Variants in CCDC82 observed in about 807,000 individuals in gnomAD.
CCDC82 encodes the protein coiled-coil domain containing 82.
In CCDC82, 47 loss-of-function variants were observed where a neutral mutation model predicts 60.6. The observed-to-expected ratio is 0.77, with a 90% CI of 0.61 to 0.99. The LOEUF is 0.99. CCDC82 is among the 50% of genes least tolerant of loss of function. The pLI is 0.00. For missense variants in CCDC82, 588 were observed against 633.0 expected, an observed-to-expected ratio of 0.93 and a Z score of 0.76; for synonymous variants, 212 against 207.4, an observed-to-expected ratio of 1.02 and a Z score of -0.19.
intron 7 of CCDC82, among the ~76,000 whole-genome samples, chr11:96,370,734 C>CAT (rs1865217517): frequency 6.6e-6 from 1 of 152,190 alleles, no homozygotes; most frequent in Non-Finnish European, 1.5e-5. Flanking sequence ...TCTGACATAA[C>CAT]AACACCGTGT....
chr11:96,383,279 C>T lies in CCDC82; in HGVS notation c.981G>A (p.Gln327=). ...TAATATTGAACTTACAAAGAGAATT[C>T]TGTTTTACTAATTTCAGTTGTGATG... is the stretch of plus-strand genomic sequence containing the variant. The part of the protein sequence containing the change: ...LTTSQLKLVK[Q]NSLYSFSDHY... The change falls in exon 5 of 10, where the codon CAG becomes CAA. Residue 327 remains glutamine, a synonymous_variant. Transcript: ENST00000646818. 6.5e-7 allele frequency: 1 copy of T among 1,533,876 alleles called. No individual in the cohort carries two copies. Among genetic ancestry groups the T allele is most frequent in the Non-Finnish European group, 9.0e-7 (1 of 1,108,470 alleles).
At position 96,367,928 on chromosome 11, in the gene CCDC82, C is replaced by G. The variant is rs183028658; in HGVS notation, c.1210-2778G>C. 4.1e-3 allele frequency among the ~76,000 whole-genome samples: 605 copies of G among 148,240 alleles called. 4 individuals are homozygous for G. Among genetic ancestry groups the G allele is most frequent in the African/African-American group, 0.012 (470 of 40,280 alleles). On this transcript the variant is annotated intron_variant, in intron 7 of 9. Transcript: ENST00000646818. ...CTCTGCCTCCCAGGTTCAAGCGATTCTCCTGTTTCAGCCTCCCCAGTAGCT... is the reference window on the plus strand; with the variant it reads ...CTCTGCCTCCCAGGTTCAAGCGATTGTCCTGTTTCAGCCTCCCCAGTAGCT...
intron 9 of CCDC82, chr11:96,357,461 AAG>A (rs1260864156): frequency 5.1e-6 from 5 of 984,890 alleles, no homozygotes; most frequent in South Asian, 4.7e-5. Context: ...TTCTTTTCCT[AAG>A]AAAAGAATGC....
intron 6 of CCDC82, among the ~76,000 whole-genome samples, chr11:96,372,683 TAA>T (rs1330812927): frequency 7.2e-6 from 1 of 139,010 alleles, no homozygotes; most frequent in Non-Finnish European, 1.5e-5. Flanking sequence ...TATATAAATA[TAA>T]ATAAATATAT....
chr11:96,376,036 C>T (rs1436438068), intron 5 of CCDC82, among the ~76,000 whole-genome samples: 1 of 152,094 alleles, frequency 6.6e-6, no homozygotes, highest in Non-Finnish European at 1.5e-5. Context: ...TAAGTTTTCC[C>T]CATGACTATT....
In CCDC82 at chr11:96,367,474, G is replaced by C. The variant is rs187296932; in HGVS notation, c.1210-2324C>G. ...AAGAAACCACGTTCTTTGCTTATCC[G>C]TAAGAAGCAACTCCTCATCCATTCA... On this transcript the variant is annotated intron_variant, in intron 7 of 9. Coordinates refer to ENST00000646818, the MANE Select transcript of CCDC82 (RefSeq NM_024725.4). Among the ~76,000 whole-genome samples the C allele has an allele frequency of 5.6e-3, 854 of 152,198 alleles. 3 individuals carry two copies. Among genetic ancestry groups the C allele is most frequent in the Non-Finnish European group, 8.9e-3 (607 of 68,014 alleles).
intron 9 of CCDC82, chr11:96,357,714 T>C: frequency 1.6e-5 from 16 of 985,306 alleles, no homozygotes; most frequent in Non-Finnish European, 1.9e-5. Flanking sequence ...GCAGTTCCAC[T>C]AGAGGGTTGG....
At position 96,384,194 on chromosome 11, in the gene CCDC82, A is replaced by T. The variant is rs1193521812; in HGVS notation, c.554T>A (p.Leu185Gln). The change falls in exon 4 of 10, where the codon CTA (leucine) becomes CAA (glutamine). Residue 185 changes from leucine (L) to glutamine (Q), a missense_variant. Transcript: ENST00000646818. ...ATCACTGTCACACATCACAGAGGAT[A>T]GCCTTTTTCTTTTTCCTCGCTTGAT... ...EDIKRGKRKR[L>Q]SSVMCDSDES... 6.2e-7 allele frequency: 1 copy of T among 1,613,890 alleles called. No homozygotes were observed. Among genetic ancestry groups the T allele is most frequent in the Non-Finnish European group, 8.5e-7 (1 of 1,179,874 alleles).
At chr11:96,386,592 T>C (rs1007902772) in intron 2 of CCDC82, 3 of 152,220 alleles carry the variant, frequency 2.0e-5, no homozygotes, top group Non-Finnish European at 4.4e-5. Context: ...TTTGTAGAGA[T>C]GGAGGTCTCA....
intron 8 of CCDC82, chr11:96,363,611 G>A (rs1444913183): frequency 6.6e-6 from 1 of 152,022 alleles, no homozygotes; most frequent in African/African-American, 2.4e-5. Context: ...GAACTGCTTT[G>A]CAAAAGATAA....
intron 1 of CCDC82, chr11:96,389,052 T>C (rs1866378987): frequency 6.6e-6 from 1 of 152,154 alleles, no homozygotes; most frequent in African/African-American, 2.4e-5. Flanking sequence ...TAAGATCAAG[T>C]TCTTATCACA....
chr11:96,373,771 CTA>C (rs1865417348), intron 5 of CCDC82, among the ~76,000 whole-genome samples: 1 of 152,074 alleles, frequency 6.6e-6, no homozygotes, highest in African/African-American at 2.4e-5. Flanking sequence ...CCTTGCACAC[CTA>C]TATTTAATTA....
Position 96,359,016 on chromosome 11 carries a change from T to C in CCDC82, c.1543A>G (p.Lys515Glu), listed in dbSNP as rs753223173. The C allele has an allele frequency of 6.8e-6, 11 of 1,609,212 alleles. No homozygotes were observed. Among genetic ancestry groups the C allele is most frequent in the African/African-American group, 2.7e-5 (2 of 74,614 alleles). ...ACCTCCTTAATCCAGCCATTTTCTT[T>C]TGACCGCCTGAAAATTCTTTCCACT... is the stretch of plus-strand genomic sequence containing the variant. The part of the protein sequence containing the change: ...ETVERIFRRS[K>E]ENGWIKEKYG... The change falls in exon 9 of 10, where the codon AAA (lysine) becomes GAA (glutamate). Residue 515 changes from lysine (K) to glutamate (E), a missense_variant. Physicochemically the swap from Lys to Glu is moderately conservative, Grantham distance 56. Coordinates refer to ENST00000646818, the MANE Select transcript of CCDC82 (RefSeq NM_024725.4).
At chr11:96,387,476 T>C (rs978326068) in intron 2 of CCDC82, 54 bp downstream of exon 2, 3 of 152,198 alleles carry the variant, frequency 2.0e-5, no homozygotes, top group Admixed American at 6.5e-5. Flanking sequence ...AAGGAAGATA[T>C]CTATTTTTAT....
At position 96,376,643 on chromosome 11, in the gene CCDC82, G is replaced by C. The variant is rs1017409035; in HGVS notation, c.992-3176C>G. ...GGGTTTCTGTGTGTTGGCCAGGCTG[G>C]TCTCGAACTCCTGACCTCAGGTGAT... On this transcript the variant is annotated intron_variant, in intron 5 of 9. Coordinates refer to ENST00000646818, the MANE Select transcript of CCDC82 (RefSeq NM_024725.4). 5.3e-5 allele frequency among the ~76,000 whole-genome samples: 8 copies of C among 152,056 alleles called. No individual in the cohort carries two copies. The East Asian group carries it at 1.2e-3, about 22-fold the overall frequency.
At chr11:96,367,336 G>C (rs1865001405) in intron 7 of CCDC82, among the ~76,000 whole-genome samples, 1 of 152,130 alleles carries the variant, frequency 6.6e-6, no homozygotes, top group Non-Finnish European at 1.5e-5. Context: ...TTCAAAATTG[G>C]AGTCAATCCT....
chr11:96,370,743 G>C (rs1865218230), intron 7 of CCDC82, among the ~76,000 whole-genome samples: 1 of 152,164 alleles, frequency 6.6e-6, no homozygotes, highest in African/African-American at 2.4e-5. Context: ...ACAACACCGT[G>C]TGAGACAATC....
chr11:96,373,351 G>C, intron 6 of CCDC82, 24 bp downstream of exon 6: 1 of 1,389,228 alleles, frequency 7.2e-7, no homozygotes, highest in Non-Finnish European at 1.0e-6. Flanking sequence ...AAAACCAATT[G>C]TTTCATTCAT....
In CCDC82 at chr11:96,383,346, C is replaced by T; in HGVS notation, c.914G>A (p.Gly305Asp). ...TTGTTGGTTTTTATTCTCTTCATCACCCTCCTCATCTTGCACTACAAAGTC... is the reference window on the plus strand; with the variant it reads ...TTGTTGGTTTTTATTCTCTTCATCATCCTCCTCATCTTGCACTACAAAGTC... ...IDDFVVQDEE[G>D]DEENKNQQGE... is the part of the protein sequence containing the mutation. Residue 305 changes from glycine to aspartate, a missense_variant, in exon 5 of 10, where the codon GGT (glycine) becomes GAT (aspartate). Coordinates refer to ENST00000646818, the MANE Select transcript of CCDC82 (RefSeq NM_024725.4). The T allele has an allele frequency of 6.2e-7, 1 of 1,606,544 alleles. No individual in the cohort carries two copies. The highest frequency in any genetic ancestry group is 1.7e-5 in the Admixed American group (1 of 59,480).
Sources: allele counts gnomAD v4.1 joint callset (sites outside exome capture counted in the v4.1 genomes callset), GRCh38; gene constraint gnomAD v4.1.1; transcripts MANE v1.5; gene names NCBI Gene and HGNC (gene_info 2026-07-23, HGNC 2026-07-21).